Variants in ZNF267 observed in about 807,000 individuals in gnomAD.
The protein encoded by ZNF267 is zinc finger (C2H2).
A neutral mutation model predicts 71.6 loss-of-function variants in ZNF267; 61 were observed. The ratio of observed to expected loss-of-function variants is 0.85; its 90% CI spans 0.69 to 1.05. ZNF267 has a LOEUF of 1.05. ZNF267 is among the 50% of genes least tolerant of loss of function. The probability of loss-of-function intolerance (pLI) is 0.00; values close to 1 mark genes in which losing one functional copy is unlikely to be tolerated. For synonymous variants in ZNF267, 288 were observed against 293.2 expected, an observed-to-expected ratio of 0.98 and a Z score of 0.18; for missense variants, 852 against 870.0, an observed-to-expected ratio of 0.98 and a Z score of 0.26.
chr16:31,915,041 A>G lies in ZNF267; in HGVS notation c.792A>G (p.Glu264=), dbSNP rs768923069. The change falls in exon 4 of 4, where the codon GAA becomes GAG. Residue 264 remains glutamate, a synonymous_variant. Coordinates refer to ENST00000300870, the MANE Select transcript of ZNF267 (RefSeq NM_003414.6). ...GTATGCATGGGCAAGAGAAACAAGA[A>G]CAGTCTTACAAATGTAATAAATGTG... ...LQSMHGQEKQ[E]QSYKCNKCVE... is the part of the protein sequence containing the mutation. 1.1e-5 allele frequency: 17 copies of G among 1,611,938 alleles called. No individual in the cohort carries two copies. In the East Asian group the frequency reaches 3.6e-4, roughly 34 times the overall value.
In ZNF267 at chr16:31,884,528, G is replaced by A. The variant is rs1180387051; in HGVS notation, c.34G>A (p.Glu12Lys). 3 of 1,614,000 alleles carry A rather than the reference G, an allele frequency of 1.9e-6. No homozygotes were observed. The part of the protein sequence containing the change: ...GLLTFRDVAV[E>K]FSLEEWEHLE... ...GTTGACATTCAGGGATGTGGCCGTA[G>A]AATTCTCTTTGGAGGAGTGGGAACA... The change falls in exon 2 of 4, where the codon GAA becomes AAA. Residue 12 changes from glutamate (E) to lysine (K), a missense_variant. Glu to Lys is a moderately conservative substitution (Grantham distance 56). Transcript: ENST00000300870.
At chr16:31,873,996 A>AGAGG in intron 1 of ZNF267, 27 bp downstream of exon 1, 1 of 1,606,216 alleles carries the variant, frequency 6.2e-7, no homozygotes, top group Non-Finnish European at 8.5e-7. Flanking sequence ...GGGGGTCCCC[A>AGAGG]GAGGGAGGGA....
rs754297644 is a variant in ZNF267 at position 31,915,532 on chromosome 16, G to A, written c.1283G>A (p.Arg428Gln). The change falls in exon 4 of 4, where the codon CGA (arginine) becomes CAA (glutamine). Residue 428 changes from arginine (R) to glutamine (Q), a missense_variant. Coordinates refer to ENST00000300870, the MANE Select transcript of ZNF267 (RefSeq NM_003414.6). ...RCSSYLTKHK[R>Q]IHTGEKPYKC... ...AGTTCATACCTTACTAAACATAAGC[G>A]AATTCATACTGGAGAGAAACCTTAT... 10 of 1,612,900 alleles carry A rather than the reference G, an allele frequency of 6.2e-6. No individual in the cohort carries two copies. Among genetic ancestry groups the A allele is most frequent in the East Asian group, 4.5e-5 (2 of 44,824 alleles).
At chr16:31,902,479 T>G (rs977932806) in intron 3 of ZNF267, among the ~76,000 whole-genome samples, 1 of 152,298 alleles carries the variant, frequency 6.6e-6, no homozygotes, top group African/African-American at 2.4e-5. Flanking sequence ...GAGCAGTGGT[T>G]TGTAGTTCTC....
intron 3 of ZNF267, among the ~76,000 whole-genome samples, chr16:31,890,038 G>C (rs1348776600): frequency 6.6e-6 from 1 of 151,976 alleles, no homozygotes; most frequent in Non-Finnish European, 1.5e-5. Context: ...TTCTATTTTT[G>C]GTTTAACATA....
intron 3 of ZNF267, among the ~76,000 whole-genome samples, chr16:31,903,573 G>A (rs573854774): frequency 4.6e-5 from 7 of 152,244 alleles, no homozygotes; most frequent in South Asian, 4.1e-4. Context: ...GTTTATTTGC[G>A]TAGAGGTGTT....
At chr16:31,898,426 A>T (rs969162321) in intron 3 of ZNF267, among the ~76,000 whole-genome samples, 1 of 151,766 alleles carries the variant, frequency 6.6e-6, no homozygotes, top group African/African-American at 2.4e-5. Flanking sequence ...GAATGATTTA[A>T]TTTTTTTTAT....
intron 3 of ZNF267, among the ~76,000 whole-genome samples, chr16:31,886,338 G>A (rs2083924177): frequency 6.6e-6 from 1 of 152,180 alleles, no homozygotes. Context: ...TGTGGCCTGT[G>A]AGGAATCCGA....
At chr16:31,879,899 A>G (rs2083878126) in intron 1 of ZNF267, among the ~76,000 whole-genome samples, 1 of 152,224 alleles carries the variant, frequency 6.6e-6, no homozygotes, top group South Asian at 2.1e-4. Flanking sequence ...ATGAATGTGC[A>G]GAAGGTGCAT....
rs754103427 is a variant in ZNF267, at chr16:31,873,891, A to G, written c.-76A>G. The G allele has an allele frequency of 3.7e-6, 6 of 1,604,114 alleles. No homozygotes were observed. On this transcript the variant is annotated 5_prime_UTR_variant, in exon 1 of 4. Transcript: ENST00000300870. ...GGCTTCGCGTTCTGAGAATAAACAGAACCTCTGTTGCTCTGCGACTTGCAG... is the reference window on the plus strand; with the variant it reads ...GGCTTCGCGTTCTGAGAATAAACAGGACCTCTGTTGCTCTGCGACTTGCAG...
chr16:31,879,906 G>A (rs1056625027), intron 1 of ZNF267, among the ~76,000 whole-genome samples: 2 of 152,182 alleles, frequency 1.3e-5, no homozygotes, highest in African/African-American at 4.8e-5. Context: ...TGCAGAAGGT[G>A]CATGCCACTT....
intron 1 of ZNF267, 35 bp downstream of exon 1, chr16:31,874,004 G>T: frequency 3.7e-6 from 6 of 1,602,720 alleles, no homozygotes; most frequent in Non-Finnish European, 5.1e-6. Context: ...CCAGAGGGAG[G>T]GAGGGCGGTG....
intron 1 of ZNF267, among the ~76,000 whole-genome samples, chr16:31,880,215 G>A (rs1240360049): frequency 1.3e-5 from 2 of 152,206 alleles, no homozygotes; most frequent in Admixed American, 6.5e-5. Context: ...TACTTTTGGA[G>A]TGAGGCCCTC....
At chr16:31,896,251 A>T (rs1391573145) in intron 3 of ZNF267, among the ~76,000 whole-genome samples, 1 of 152,042 alleles carries the variant, frequency 6.6e-6, no homozygotes, top group Non-Finnish European at 1.5e-5. Flanking sequence ...ACCTCAAATG[A>T]TTCTCCCACC....
At chr16:31,875,463 A>G (rs1426287191) in intron 1 of ZNF267, among the ~76,000 whole-genome samples, 1 of 152,338 alleles carries the variant, frequency 6.6e-6, no homozygotes, top group Admixed American at 6.5e-5. Context: ...TGGTCAGCCA[A>G]TCGTTTGCTG....
intron 3 of ZNF267, chr16:31,913,068 A>T (rs1439199356): frequency 6.6e-6 from 1 of 151,792 alleles, no homozygotes; most frequent in African/African-American, 2.4e-5. Flanking sequence ...GTAGATGTTC[A>T]TCTGTGTCTT....
chr16:31,901,399 T>G (rs1197393412), intron 3 of ZNF267, among the ~76,000 whole-genome samples: 1 of 152,248 alleles, frequency 6.6e-6, no homozygotes, highest in East Asian at 1.9e-4. Context: ...ATGGTTGAAC[T>G]AGTTTACAGT....
chr16:31,894,594 T>G, intron 3 of ZNF267: 1 of 488,710 alleles, frequency 2.0e-6, no homozygotes, highest in Non-Finnish European at 4.1e-6. Flanking sequence ...CTTTGTGCTG[T>G]TCAGATAATG....
chr16:31,915,019 T>C lies in ZNF267; in HGVS notation c.770T>C (p.Met257Thr), dbSNP rs777280544. 1.2e-5 allele frequency: 19 copies of C among 1,610,982 alleles called. No individual in the cohort carries two copies. In the Admixed American group the frequency reaches 3.0e-4, roughly 26 times the overall value. Residue 257 changes from methionine (M) to threonine (T), a missense_variant, in exon 4 of 4, where the codon ATG becomes ACG. Coordinates refer to ENST00000300870, the MANE Select transcript of ZNF267 (RefSeq NM_003414.6). ...KEFEEVFLQS[M>T]HGQEKQEQSY... Reference sequence around the variant, plus strand: ...TTTGAGGAAGTCTTTCTTCAGAGTATGCATGGGCAAGAGAAACAAGAACAG... The same window carrying C: ...TTTGAGGAAGTCTTTCTTCAGAGTACGCATGGGCAAGAGAAACAAGAACAG...
Sources: gnomAD v4.1 joint callset for allele counts (sites outside exome capture counted in the v4.1 genomes callset) on GRCh38, gnomAD v4.1.1 for gene constraint, MANE v1.5 for transcripts, NCBI Gene and HGNC (gene_info 2026-07-23, HGNC 2026-07-21) for gene names.